Variants in DUSP22 observed in about 807,000 individuals in gnomAD.
DUSP22 encodes the protein dual specificity protein phosphatase 22.
In DUSP22, 24 loss-of-function variants were observed where a neutral mutation model predicts 24.5. That is an observed-to-expected ratio of 0.98 (90% CI 0.71 to 1.38). The LOEUF is 1.38. Among genes scored for constraint, DUSP22 ranks in the 40% most tolerant of loss-of-function variants. The probability of loss-of-function intolerance (pLI) is 0.00; values close to 1 mark genes in which losing one functional copy is unlikely to be tolerated. For synonymous variants in DUSP22, 160 were observed against 106.4 expected, an observed-to-expected ratio of 1.50 and a Z score of -3.10; for missense variants, 330 against 269.2, an observed-to-expected ratio of 1.23 and a Z score of -1.58.
intron 3 of DUSP22, among the ~76,000 whole-genome samples, chr6:315,294 C>T (rs921592728): frequency 2.0e-5 from 3 of 152,302 alleles, no homozygotes; most frequent in African/African-American, 7.2e-5. Flanking sequence ...TGCCCCACTG[C>T]TCTCTGTCGG....
At chr6:315,561 C>G (rs2127400332) in intron 3 of DUSP22, among the ~76,000 whole-genome samples, 1 of 152,424 alleles carries the variant, frequency 6.6e-6, no homozygotes, top group African/African-American at 2.4e-5. Context: ...TACCAGATCA[C>G]CTTTGAAAAA....
intron 4 of DUSP22, among the ~76,000 whole-genome samples, chr6:340,299 C>T (rs987071442): frequency 1.3e-5 from 2 of 152,302 alleles, no homozygotes; most frequent in South Asian, 2.1e-4. Context: ...AGGGCAGCTC[C>T]ACCATGTCTG....
intron 1 of DUSP22, among the ~76,000 whole-genome samples, chr6:302,554 G>A (rs1416999058): frequency 1.3e-5 from 2 of 152,304 alleles, no homozygotes; most frequent in African/African-American, 2.4e-5. Context: ...CTTTCCCTGT[G>A]TGAGCTGCTC....
chr6:316,245 G>A (rs1417007253), intron 3 of DUSP22, among the ~76,000 whole-genome samples: 1 of 152,300 alleles, frequency 6.6e-6, no homozygotes, highest in African/African-American at 2.4e-5. Flanking sequence ...CAGAGGCAAG[G>A]GTCTTCCTGC....
chr6:339,961 C>T (rs1263731057), intron 4 of DUSP22, among the ~76,000 whole-genome samples: 1 of 152,300 alleles, frequency 6.6e-6, no homozygotes, highest in Admixed American at 6.5e-5. Flanking sequence ...GTGATGTTCT[C>T]CTGCTCAAGG....
intron 3 of DUSP22, among the ~76,000 whole-genome samples, chr6:313,814 A>C (rs1470259774): frequency 6.6e-6 from 1 of 152,308 alleles, no homozygotes; most frequent in Non-Finnish European, 1.5e-5. Context: ...CTTATTTTAA[A>C]AATTAAAACA....
chr6:330,869 C>T (rs1388402208), intron 3 of DUSP22, among the ~76,000 whole-genome samples: 7 of 152,426 alleles, frequency 4.6e-5, no homozygotes, highest in South Asian at 4.1e-4. Context: ...TTTTACATCA[C>T]GTGGTTTTAT....
At chr6:301,422 C>T (rs1014765133) in intron 1 of DUSP22, among the ~76,000 whole-genome samples, 7 of 152,306 alleles carry the variant, frequency 4.6e-5, no homozygotes, top group East Asian at 1.9e-4. Flanking sequence ...CTTCAGAGAT[C>T]GGTTGGAGCC....
At chr6:346,848 C>T (rs755042100) in intron 5 of DUSP22, among the ~76,000 whole-genome samples, 1 of 151,492 alleles carries the variant, frequency 6.6e-6, no homozygotes, top group African/African-American at 2.4e-5. Flanking sequence ...CAGAGGGGAC[C>T]CAGGGACCCA....
chr6:337,574 C>T (rs936043587), intron 4 of DUSP22, among the ~76,000 whole-genome samples: 1 of 152,304 alleles, frequency 6.6e-6, no homozygotes, highest in South Asian at 2.1e-4. Context: ...TCTGTCAAAA[C>T]CAGCCTAATT....
rs568269821 is a variant in DUSP22 at position 298,372 on chromosome 6, T to C, written c.21+5812T>C. Reference sequence around the variant, plus strand: ...AAAGTCCTTTCTGACATAGAAAGAATTAAGATTCCGCTGCCACCCCCACCC... The same window carrying C: ...AAAGTCCTTTCTGACATAGAAAGAACTAAGATTCCGCTGCCACCCCCACCC... On this transcript the variant is annotated intron_variant, in intron 1 of 6. Coordinates refer to ENST00000419235, the MANE Select transcript of DUSP22 (RefSeq NM_001286555.3). Among the ~76,000 whole-genome samples, 94 of 152,398 alleles carry C rather than the reference T, an allele frequency of 6.2e-4. No homozygotes were observed. In the South Asian group the frequency reaches 0.019, roughly 31 times the overall value.
chr6:336,528 T>A (rs1581183566), intron 4 of DUSP22, among the ~76,000 whole-genome samples: 1 of 152,294 alleles, frequency 6.6e-6, no homozygotes, highest in South Asian at 2.1e-4. Context: ...GGTTATGCGA[T>A]AATTTTGTGA....
intron 4 of DUSP22, among the ~76,000 whole-genome samples, chr6:344,114 C>T (rs754928483): frequency 1.2e-4 from 19 of 152,308 alleles, no homozygotes; most frequent in Non-Finnish European, 2.8e-4. Flanking sequence ...CAGTGGGGCT[C>T]GAGTCCTGCC....
At chr6:319,677 G>A (rs1490129077) in intron 3 of DUSP22, among the ~76,000 whole-genome samples, 3 of 152,308 alleles carry the variant, frequency 2.0e-5, no homozygotes, top group Non-Finnish European at 4.4e-5. Flanking sequence ...CACTGTGGGT[G>A]TCAAGTTGCT....
intron 3 of DUSP22, among the ~76,000 whole-genome samples, chr6:329,593 C>T (rs1029369502): frequency 2.6e-5 from 4 of 152,306 alleles, no homozygotes; most frequent in Non-Finnish European, 5.9e-5. Context: ...GCTGGGATTA[C>T]AAGTGCATGC....
At chr6:342,282 G>T (rs1759643967) in intron 4 of DUSP22, among the ~76,000 whole-genome samples, 1 of 152,312 alleles carries the variant, frequency 6.6e-6, no homozygotes, top group South Asian at 2.1e-4. Context: ...TACAGACACG[G>T]CTCTTTCTGA....
At chr6:317,933 T>G (rs1758407569) in intron 3 of DUSP22, among the ~76,000 whole-genome samples, 1 of 152,308 alleles carries the variant, frequency 6.6e-6, no homozygotes, top group Non-Finnish European at 1.5e-5. Flanking sequence ...TGTGGCTCAT[T>G]AGGATGTGAA....
chr6:334,955 A>T (rs1381478287), intron 3 of DUSP22, among the ~76,000 whole-genome samples, 159 bp from the exon 4 acceptor site: 1 of 152,306 alleles, frequency 6.6e-6, no homozygotes, highest in Admixed American at 6.5e-5. Context: ...CAGGAACTTT[A>T]ATTAGTTTTT....
At chr6:329,511 G>A (rs1444149686) in intron 3 of DUSP22, among the ~76,000 whole-genome samples, 9 of 152,294 alleles carry the variant, frequency 5.9e-5, no homozygotes, top group Admixed American at 5.9e-4. Flanking sequence ...GGAGTGCAGT[G>A]GTGTGATCTC....
Sources: allele counts gnomAD v4.1 joint callset (sites outside exome capture counted in the v4.1 genomes callset), GRCh38; gene constraint gnomAD v4.1.1; transcripts MANE v1.5; gene names NCBI Gene and HGNC (gene_info 2026-07-23, HGNC 2026-07-21).